The following GRIK4 variants were observed in gnomAD, a reference collection of about 807,000 sequenced individuals.
GRIK4 encodes the protein glutamate receptor ionotropic, kainate 4.
In GRIK4, 40 loss-of-function variants were observed where a neutral mutation model predicts 104.9. The ratio of observed to expected loss-of-function variants is 0.38; its 90% CI spans 0.30 to 0.50. GRIK4 has a LOEUF of 0.50. Ranked by LOEUF, GRIK4 falls within the 20% of genes least tolerant of loss-of-function variation. GRIK4 has a pLI of 0.93. For synonymous variants in GRIK4, 485 were observed against 524.9 expected (o/e 0.92, Z 1.04); for missense variants, 1,047 against 1,308.1 (o/e 0.80, Z 3.08).
At chr11:120,535,381 AGAGGGAGG>A (rs1056093633) in intron 1 of GRIK4, among the ~76,000 whole-genome samples, 13 of 149,874 alleles carry the variant, frequency 8.7e-5, no homozygotes, top group Middle Eastern at 3.4e-3. Context: ...GGGGGAGGTA[AGAGGGAGG>A]GAGGGAAGGA....
chr11:120,724,994 GC>G (rs138780207), intron 3 of GRIK4, among the ~76,000 whole-genome samples: 7,399 of 152,130 alleles, frequency 0.049, 610 homozygotes, highest in African/African-American at 0.17. Flanking sequence ...GTTTAGTCTT[GC>G]TCAACTATTC....
intron 1 of GRIK4, among the ~76,000 whole-genome samples, chr11:120,612,800 C>G (rs1179581980): frequency 1.3e-5 from 2 of 152,198 alleles, no homozygotes; most frequent in African/African-American, 4.8e-5. Context: ...CAGGAGAGTG[C>G]TCCCTGCTGA....
chr11:120,906,911 C>G (rs902648637), intron 13 of GRIK4, among the ~76,000 whole-genome samples: 58 of 152,240 alleles, frequency 3.8e-4, no homozygotes, highest in African/African-American at 1.4e-3. Context: ...TTCAGAGGGG[C>G]GCTTGCAAAC....
At chr11:120,547,100 C>A (rs139114185) in intron 1 of GRIK4, among the ~76,000 whole-genome samples, 1 of 152,174 alleles carries the variant, frequency 6.6e-6, no homozygotes, top group African/African-American at 2.4e-5. Flanking sequence ...AGTTCCTTTG[C>A]GTGGACAGTC....
intron 19 of GRIK4, among the ~76,000 whole-genome samples, chr11:120,972,205 T>G (rs1944486605): frequency 6.6e-6 from 1 of 152,110 alleles, no homozygotes; most frequent in East Asian, 1.9e-4. Flanking sequence ...ACACCAACAG[T>G]GCCCTGGACT....
intron 3 of GRIK4, among the ~76,000 whole-genome samples, chr11:120,695,753 C>T (rs928710561): frequency 2.0e-4 from 31 of 152,092 alleles, no homozygotes; most frequent in Non-Finnish European, 1.5e-5. Flanking sequence ...AGCAGGGCCG[C>T]CTGGCTGGAT....
At chr11:120,980,406 C>T (rs988635662) in intron 19 of GRIK4, among the ~76,000 whole-genome samples, 3 of 152,220 alleles carry the variant, frequency 2.0e-5, no homozygotes, top group Non-Finnish European at 4.4e-5. Context: ...TATCTGCCTA[C>T]AACCCCAGCC....
intron 3 of GRIK4, among the ~76,000 whole-genome samples, chr11:120,747,272 C>G (rs992022724): frequency 6.6e-6 from 1 of 152,146 alleles, no homozygotes; most frequent in Non-Finnish European, 1.5e-5. Context: ...CCTATTAATC[C>G]GCTGGTCTTT....
At chr11:120,869,261 G>A (rs1954527106) in intron 9 of GRIK4, 1 of 152,674 alleles carries the variant, frequency 6.5e-6, no homozygotes, top group Non-Finnish European at 1.5e-5. Flanking sequence ...CTGCAGCGGG[G>A]GAGAAGACGT....
At chr11:120,737,413 A>G (rs1467526385) in intron 3 of GRIK4, among the ~76,000 whole-genome samples, 2 of 152,226 alleles carry the variant, frequency 1.3e-5, no homozygotes, top group Admixed American at 6.5e-5. Context: ...AATGAAGTGC[A>G]TAGCTTTGGC....
At chr11:120,664,444 A>G (rs1949870062) in intron 3 of GRIK4, among the ~76,000 whole-genome samples, 1 of 152,346 alleles carries the variant, frequency 6.6e-6, no homozygotes, top group South Asian at 2.1e-4. Context: ...AATAACTCCC[A>G]TTCTTTGCCT....
rs1268914239 is a variant in GRIK4, at chr11:120,660,345, G to A, written c.27G>A (p.Val9=). The A allele has an allele frequency of 3.7e-6, 6 of 1,613,280 alleles. No individual in the cohort carries two copies. The highest frequency in any genetic ancestry group is 4.2e-6 in the Non-Finnish European group (5 of 1,179,974). MPRVSAPL[V]LLPAWLVMVA... Reference sequence around the variant, plus strand: ...TGCCCCGCGTCTCGGCGCCTTTGGTGCTGCTTCCTGCGTGGCTCGTGATGG... The same window carrying A: ...TGCCCCGCGTCTCGGCGCCTTTGGTACTGCTTCCTGCGTGGCTCGTGATGG... Residue 9 remains valine, a synonymous_variant, in exon 3 of 21, where the codon GTG becomes GTA. Coordinates refer to ENST00000527524, the MANE Select transcript of GRIK4 (RefSeq NM_014619.5).
chr11:120,722,325 G>A (rs574692640), intron 3 of GRIK4, among the ~76,000 whole-genome samples: 2 of 152,222 alleles, frequency 1.3e-5, no homozygotes, highest in Non-Finnish European at 2.9e-5. Flanking sequence ...TTGAGGATCA[G>A]AAAGATTTTG....
At position 120,739,138 on chromosome 11, in the gene GRIK4, C is replaced by G. The variant is rs541543532; in HGVS notation, c.83-63555C>G. 1.4e-4 allele frequency among the ~76,000 whole-genome samples: 22 copies of G among 152,316 alleles called. 1 individual carries two copies. In the South Asian group the frequency reaches 4.4e-3, roughly 30 times the overall value. ...TTGAGTTTCCAAGGCTCAATCCCCCCTCCTGTAGCCACCTGCCCTGCCCAT... is the reference window on the plus strand; with the variant it reads ...TTGAGTTTCCAAGGCTCAATCCCCCGTCCTGTAGCCACCTGCCCTGCCCAT... On this transcript the variant is annotated intron_variant, in intron 3 of 20. Transcript: ENST00000527524.
intron 1 of GRIK4, among the ~76,000 whole-genome samples, chr11:120,607,123 T>C (rs747682853): frequency 6.6e-6 from 1 of 152,046 alleles, no homozygotes; most frequent in Non-Finnish European, 1.5e-5. Context: ...GTTGGGAGGC[T>C]CGGCTCAGTG....
intron 3 of GRIK4, among the ~76,000 whole-genome samples, chr11:120,691,488 CT>C (rs1950362925): frequency 6.6e-6 from 1 of 152,220 alleles, no homozygotes; most frequent in South Asian, 2.1e-4. Flanking sequence ...TGTTAAATAA[CT>C]TTCTCAAGAC....
In GRIK4 at chr11:120,728,990, C is replaced by T. The variant is rs1951081013; in HGVS notation, c.82+68590C>T. On this transcript the variant is annotated intron_variant, in intron 3 of 20. Coordinates refer to ENST00000527524, the MANE Select transcript of GRIK4 (RefSeq NM_014619.5). ...GTTCAATTGTTTTGATTTTTAGATC[C>T]CACAAACAAGTGAGAACATGCGAAG... is the stretch of plus-strand genomic sequence containing the variant. Among the ~76,000 whole-genome samples, 5 of 152,218 alleles carry T rather than the reference C, an allele frequency of 3.3e-5. No individual in the cohort carries two copies. The South Asian group carries it at 1.0e-3, about 32-fold the overall frequency.
chr11:120,840,914 A>G (rs1047404778), intron 8 of GRIK4, among the ~76,000 whole-genome samples: 10 of 152,194 alleles, frequency 6.6e-5, no homozygotes, highest in Non-Finnish European at 1.2e-4. Flanking sequence ...GGCCTGTGGT[A>G]ACCTCCATGT....
chr11:120,545,700 T>C (rs1948079644), intron 1 of GRIK4, among the ~76,000 whole-genome samples: 2 of 152,192 alleles, frequency 1.3e-5, no homozygotes, highest in South Asian at 4.1e-4. Flanking sequence ...GGATTTTGAA[T>C]GAAAGGGAGG....
Sources: gnomAD v4.1 joint callset for allele counts (sites outside exome capture counted in the v4.1 genomes callset) on GRCh38, gnomAD v4.1.1 for gene constraint, MANE v1.5 for transcripts, NCBI Gene and HGNC (gene_info 2026-07-23, HGNC 2026-07-21) for gene names.